Variants in ADCY8 observed in about 807,000 individuals in gnomAD.
The protein encoded by ADCY8 is adenylate cyclase 8.
ADCY8 carries 51 observed loss-of-function variants against 119.7 expected under a neutral mutation model. The observed-to-expected ratio is 0.43, with a 90% CI of 0.34 to 0.54. The LOEUF is 0.54. Ranked by LOEUF, ADCY8 falls within the 20% of genes least tolerant of loss-of-function variation. ADCY8 has a pLI of 0.03. For missense variants in ADCY8, 1,383 were observed against 1,598.8 expected, an observed-to-expected ratio of 0.87 and a Z score of 2.30; for synonymous variants, 665 against 651.0, an observed-to-expected ratio of 1.02 and a Z score of -0.33.
At chr8:130,816,714 T>C (rs1443117212) in intron 13 of ADCY8, among the ~76,000 whole-genome samples, 1 of 152,152 alleles carries the variant, frequency 6.6e-6, no homozygotes, top group East Asian at 1.9e-4. Flanking sequence ...CATGAGCCAC[T>C]GTGACTGGCC....
chr8:130,878,055 T>C (rs532325816), intron 8 of ADCY8, among the ~76,000 whole-genome samples: 3 of 152,314 alleles, frequency 2.0e-5, no homozygotes, highest in African/African-American at 7.2e-5. Context: ...TTCTGTTATA[T>C]GAATATTGTG....
intron 7 of ADCY8, among the ~76,000 whole-genome samples, chr8:130,895,872 A>G (rs1418632841): frequency 2.0e-5 from 3 of 152,180 alleles, no homozygotes; most frequent in Non-Finnish European, 4.4e-5. Flanking sequence ...CCTGTAACTT[A>G]TCACAGAAGC....
At chr8:130,968,177 T>TC (rs1360037034) in intron 2 of ADCY8, among the ~76,000 whole-genome samples, 2 of 150,734 alleles carry the variant, frequency 1.3e-5, no homozygotes, top group East Asian at 3.9e-4. Context: ...TATTCTGCTT[T>TC]TTTTTTTTTT....
intron 17 of ADCY8, among the ~76,000 whole-genome samples, chr8:130,781,905 C>G (rs958030083): frequency 2.0e-5 from 3 of 152,136 alleles, no homozygotes; most frequent in African/African-American, 7.2e-5. Context: ...CAGGTACAGT[C>G]CTAGGCATTG....
At chr8:130,951,828 G>C in intron 3 of ADCY8, 40 bp downstream of exon 3, 1 of 1,611,554 alleles carries the variant, frequency 6.2e-7, no homozygotes, top group Non-Finnish European at 8.5e-7. Context: ...AACACACATG[G>C]ATCATGCAAG....
intron 12 of ADCY8, among the ~76,000 whole-genome samples, chr8:130,824,333 T>C (rs1348375640): frequency 1.3e-5 from 2 of 152,206 alleles, no homozygotes; most frequent in African/African-American, 4.8e-5. Flanking sequence ...ACAATCAAGA[T>C]ACTATTATTC....
intron 4 of ADCY8, among the ~76,000 whole-genome samples, chr8:130,941,068 C>G (rs958500772): frequency 6.6e-6 from 1 of 152,186 alleles, no homozygotes; most frequent in Non-Finnish European, 1.5e-5. Flanking sequence ...AACATTAGTG[C>G]TATCAGTGTA....
chr8:130,995,550 C>G (rs2130751648), intron 1 of ADCY8, among the ~76,000 whole-genome samples: 1 of 152,278 alleles, frequency 6.6e-6, no homozygotes, highest in African/African-American at 2.4e-5. Flanking sequence ...CTTTTCCTCA[C>G]TTACTCATTT....
In ADCY8 at chr8:130,867,842, T is replaced by C. The variant is rs1818181413; in HGVS notation, c.2210+4A>G. Reference sequence around the variant, plus strand: ...ACCAGATCAATTAGTTCTTTTACATTTACCTTGAAGAAGGAAGCAAACTTT... The same window carrying C: ...ACCAGATCAATTAGTTCTTTTACATCTACCTTGAAGAAGGAAGCAAACTTT... On this transcript the variant is annotated splice_donor_region_variant and intron_variant, in intron 9 of 17. Coordinates refer to ENST00000286355, the MANE Select transcript of ADCY8 (RefSeq NM_001115.3). The C allele has an allele frequency of 6.3e-7, 1 of 1,597,016 alleles. No homozygotes were observed. The highest frequency in any genetic ancestry group is 1.3e-5 in the African/African-American group (1 of 74,514).
chr8:130,814,018 A>C, intron 14 of ADCY8, 51 bp downstream of exon 14: 3 of 1,604,722 alleles, frequency 1.9e-6, no homozygotes, highest in Non-Finnish European at 2.6e-6. Flanking sequence ...GAACAACTGC[A>C]CATCACCCAC....
intron 5 of ADCY8, among the ~76,000 whole-genome samples, chr8:130,918,273 C>T (rs1003317012): frequency 6.6e-6 from 1 of 152,174 alleles, no homozygotes; most frequent in Admixed American, 6.5e-5. Flanking sequence ...CTCTTCCTGG[C>T]TTGCAGATGG....
intron 2 of ADCY8, among the ~76,000 whole-genome samples, chr8:130,979,198 C>G (rs1312192821): frequency 6.6e-6 from 1 of 152,204 alleles, no homozygotes; most frequent in Non-Finnish European, 1.5e-5. Context: ...GAAGAACGCA[C>G]TATCCTCAGT....
chr8:130,946,942 GAAT>G (rs753238299), intron 3 of ADCY8, among the ~76,000 whole-genome samples: 4 of 152,142 alleles, frequency 2.6e-5, no homozygotes, highest in Non-Finnish European at 4.4e-5. Context: ...AGGATTTATT[GAAT>G]AAAAGACCAG....
At chr8:130,936,986 C>G in intron 5 of ADCY8, 87 bp downstream of exon 5, 1 of 1,450,776 alleles carries the variant, frequency 6.9e-7, no homozygotes, top group South Asian at 1.5e-5. Flanking sequence ...TTTCACCATA[C>G]ATATGATTTA....
chr8:130,845,152 A>G (rs1004722209), intron 11 of ADCY8, among the ~76,000 whole-genome samples: 1 of 152,184 alleles, frequency 6.6e-6, no homozygotes, highest in Non-Finnish European at 1.5e-5. Flanking sequence ...AGGCACTGAA[A>G]CAAAGCTGTG....
chr8:131,037,874 AT>A lies in ADCY8; in HGVS notation c.960+1499del, dbSNP rs563358673. On this transcript the variant is annotated intron_variant, in intron 1 of 17. Transcript: ENST00000286355. ...ATTGAGACTTATTTGTTATATGTAG[AT>A]ATGAAGGTTCATGGTGACTGTGATA... Among the ~76,000 whole-genome samples, 210 of 152,316 alleles carry A rather than the reference AT, an allele frequency of 1.4e-3. 1 individual carries two copies. Among genetic ancestry groups the A allele is most frequent in the Non-Finnish European group, 2.7e-3 (182 of 68,026 alleles).
intron 1 of ADCY8, 23 bp from the exon 2 acceptor site, chr8:130,990,565 A>G: frequency 6.2e-7 from 1 of 1,603,118 alleles, no homozygotes; most frequent in African/African-American, 1.3e-5. Context: ...CAGTCTGGTC[A>G]GGCGCTTAAA....
chr8:130,886,110 A>G (rs561137787), intron 7 of ADCY8, among the ~76,000 whole-genome samples: 1 of 152,198 alleles, frequency 6.6e-6, no homozygotes, highest in South Asian at 2.1e-4. Flanking sequence ...TGAACCCTTC[A>G]TTTTAACCTT....
chr8:130,827,014 T>C (rs943866206), intron 12 of ADCY8, among the ~76,000 whole-genome samples: 1 of 152,158 alleles, frequency 6.6e-6, no homozygotes, highest in Non-Finnish European at 1.5e-5. Flanking sequence ...TGTATACATA[T>C]GTAACAAACC....
Sources: gnomAD v4.1 joint callset for allele counts (sites outside exome capture counted in the v4.1 genomes callset) on GRCh38, gnomAD v4.1.1 for gene constraint, MANE v1.5 for transcripts, NCBI Gene and HGNC (gene_info 2026-07-23, HGNC 2026-07-21) for gene names.